The following TRHDE variants were observed in gnomAD, a reference collection of about 807,000 sequenced individuals.
TRHDE encodes the protein thyrotropin releasing hormone degrading enzyme.
In TRHDE, 72 loss-of-function variants were observed where a neutral mutation model predicts 125.7. The observed-to-expected ratio is 0.57, with a 90% confidence interval of 0.47 to 0.70. The LOEUF (loss-of-function observed/expected upper bound fraction) is 0.70, where lower values mean the gene tolerates loss of function less well. Among genes scored for constraint, TRHDE ranks in the 30% least tolerant of loss-of-function variants. The probability of loss-of-function intolerance (pLI) is 0.00; values close to 1 mark genes in which losing one functional copy is unlikely to be tolerated. For synonymous variants in TRHDE, 509 were observed against 509.1 expected (o/e 1.00, Z 0.00); for missense variants, 1,110 against 1,327.1 (o/e 0.84, Z 2.54).
intron 2 of TRHDE, among the ~76,000 whole-genome samples, chr12:72,180,285 A>G (rs1877070635): frequency 6.6e-6 from 1 of 152,140 alleles, no homozygotes; most frequent in African/African-American, 2.4e-5. Context: ...TGTGACTTGC[A>G]TATTATTTTT....
intron 2 of TRHDE, among the ~76,000 whole-genome samples, chr12:72,226,240 G>T (rs1043874465): frequency 6.6e-6 from 1 of 152,176 alleles, no homozygotes; most frequent in Non-Finnish European, 1.5e-5. Flanking sequence ...GGCAAGTGAG[G>T]TTCCAGAGGT....
intron 15 of TRHDE, among the ~76,000 whole-genome samples, chr12:72,645,613 GC>G (rs879519221): frequency 2.6e-5 from 4 of 151,926 alleles, no homozygotes; most frequent in Non-Finnish European, 4.4e-5. Context: ...ACATTCAGAA[GC>G]AAAAAACCCA....
chr12:72,154,935 T>G (rs1876466935), intron 2 of TRHDE, among the ~76,000 whole-genome samples: 1 of 152,226 alleles, frequency 6.6e-6, no homozygotes, highest in Non-Finnish European at 1.5e-5. Flanking sequence ...ATTTGAATAT[T>G]GGCCTGCCTT....
At chr12:72,263,177 A>T (rs1374616962) in intron 2 of TRHDE, 2 of 152,126 alleles carry the variant, frequency 1.3e-5, no homozygotes, top group African/African-American at 4.8e-5. Flanking sequence ...CTGAAGTATC[A>T]CCTATTTGTA....
intron 15 of TRHDE, among the ~76,000 whole-genome samples, chr12:72,650,678 G>A (rs1293748976): frequency 1.3e-5 from 2 of 151,990 alleles, no homozygotes; most frequent in African/African-American, 4.8e-5. Flanking sequence ...AGTGATTTCA[G>A]TAGATATTTT....
intron 2 of TRHDE, among the ~76,000 whole-genome samples, chr12:72,357,661 A>C (rs1164784572): frequency 6.6e-6 from 1 of 151,556 alleles, no homozygotes; most frequent in East Asian, 1.9e-4. Flanking sequence ...ATAGTGCTGC[A>C]ATGACCATTA....
intron 2 of TRHDE, among the ~76,000 whole-genome samples, chr12:72,356,296 C>G (rs1454728301): frequency 2.0e-5 from 3 of 151,534 alleles, no homozygotes; most frequent in African/African-American, 4.8e-5. Flanking sequence ...AACACAAAAC[C>G]AAATACCACA....
At chr12:72,137,526 T>C (rs932589926) in intron 2 of TRHDE, 3 of 152,162 alleles carry the variant, frequency 2.0e-5, no homozygotes, top group African/African-American at 4.8e-5. Flanking sequence ...CTCATAATGA[T>C]TGCAGAGAGG....
chr12:72,470,024 A>G (rs1565754608), intron 4 of TRHDE, 112 bp downstream of exon 4: 24 of 1,055,692 alleles, frequency 2.3e-5, no homozygotes, highest in Non-Finnish European at 3.3e-5. Context: ...TTAATTTTAT[A>G]TGGAGCACTG....
chr12:72,453,811 G>A (rs986549416), intron 3 of TRHDE, among the ~76,000 whole-genome samples: 1 of 152,164 alleles, frequency 6.6e-6, no homozygotes, highest in Non-Finnish European at 1.5e-5. Flanking sequence ...AAGGGGCCCG[G>A]GTACAGCTCA....
At chr12:72,295,731 G>C (rs771774026) in intron 2 of TRHDE, among the ~76,000 whole-genome samples, 2 of 151,902 alleles carry the variant, frequency 1.3e-5, no homozygotes, top group Non-Finnish European at 2.9e-5. Context: ...AACAAATTAA[G>C]TCTCATTTTA....
At chr12:72,568,714 T>G in intron 10 of TRHDE, 58 bp downstream of exon 10, 2 of 1,210,878 alleles carry the variant, frequency 1.7e-6, no homozygotes, top group Non-Finnish European at 2.4e-6. Flanking sequence ...GTTTAGCAAC[T>G]TAACCTCTGG....
At chr12:72,519,896 C>T (rs1879092197) in intron 6 of TRHDE, among the ~76,000 whole-genome samples, 1 of 152,136 alleles carries the variant, frequency 6.6e-6, no homozygotes. Context: ...TGTTGGAGTA[C>T]CTGGCCCTGT....
intron 3 of TRHDE, among the ~76,000 whole-genome samples, chr12:72,398,088 G>T (rs1872880423): frequency 6.7e-6 from 1 of 149,920 alleles, no homozygotes; most frequent in Admixed American, 6.8e-5. Context: ...GAGGTGTTTG[G>T]TTTTTTGTTC....
chr12:72,295,803 A>G (rs1880277223), intron 2 of TRHDE, among the ~76,000 whole-genome samples: 1 of 152,032 alleles, frequency 6.6e-6, no homozygotes, highest in Admixed American at 6.5e-5. Flanking sequence ...TTTTTTTTTA[A>G]ATCACGTTAC....
intron 2 of TRHDE, among the ~76,000 whole-genome samples, chr12:72,122,224 AAGCAAC>A (rs1324073517): frequency 1.3e-5 from 2 of 152,208 alleles, no homozygotes; most frequent in Non-Finnish European, 2.9e-5. Flanking sequence ...CTGGAGGCAG[AAGCAAC>A]AGCTTACCCA....
chr12:72,419,844 A>C (rs1269801668), intron 3 of TRHDE, among the ~76,000 whole-genome samples: 1 of 152,182 alleles, frequency 6.6e-6, no homozygotes, highest in Non-Finnish European at 1.5e-5. Flanking sequence ...GTTGCCATGC[A>C]CTTCCTTCCC....
At position 72,239,738 on chromosome 12, in the gene TRHDE, G is replaced by A. The variant is rs555647736; in HGVS notation, n.279+133986G>A. 1.2e-4 allele frequency among the ~76,000 whole-genome samples: 19 copies of A among 152,298 alleles called. No individual in the cohort carries two copies. The East Asian group carries it at 3.1e-3, about 25-fold the overall frequency. On this transcript the variant is annotated intron_variant and non_coding_transcript_variant, in intron 2 of 4. Transcript: ENST00000548156. Reference sequence around the variant, plus strand: ...TATATTGAGACATATCAATAGACACGAGATGTCTATAAAATAGCCAAAATA... The same window carrying A: ...TATATTGAGACATATCAATAGACACAAGATGTCTATAAAATAGCCAAAATA...
chr12:72,393,866 T>C lies in TRHDE; in HGVS notation c.1315+15745T>C, dbSNP rs113202322. ...TGAAAATATTAAATCTTGCTATTAA[T>C]AAGTCTTATTTCTTTCAAAAATATA... On this transcript the variant is annotated intron_variant, in intron 3 of 18. Coordinates refer to ENST00000261180, the MANE Select transcript of TRHDE (RefSeq NM_013381.3). Among the ~76,000 whole-genome samples the C allele has an allele frequency of 4.5e-3, 687 of 152,296 alleles. 9 individuals carry two copies. The highest frequency in any genetic ancestry group is 6.4e-3 in the Non-Finnish European group (438 of 68,018).
Sources: allele counts gnomAD v4.1 joint callset (sites outside exome capture counted in the v4.1 genomes callset), GRCh38; gene constraint gnomAD v4.1.1; transcripts MANE v1.5; gene names NCBI Gene and HGNC (gene_info 2026-07-23, HGNC 2026-07-21).